Variants in IPP observed in about 807,000 individuals in gnomAD.
IPP encodes the protein actin-binding protein IPP.
IPP carries 41 observed loss-of-function variants against 64.1 expected under a neutral mutation model. The ratio of observed to expected loss-of-function variants is 0.64; its 90% CI spans 0.50 to 0.83. The LOEUF (loss-of-function observed/expected upper bound fraction) is 0.83, where lower values mean the gene tolerates loss of function less well. Ranked by LOEUF, IPP falls within the 40% of genes least tolerant of loss-of-function variation. IPP has a pLI of 0.00. For synonymous variants in IPP, 214 were observed against 235.2 expected (o/e 0.91, Z 0.83); for missense variants, 649 against 703.0 (o/e 0.92, Z 0.87).
chr1:45,719,131 T>A (rs1645698575), intron 6 of IPP, 72 bp downstream of exon 6: 1 of 1,428,176 alleles, frequency 7.0e-7, no homozygotes, highest in Non-Finnish European at 9.8e-7. Context: ...ATACCTATTA[T>A]GTATCCACAA....
chr1:45,715,124 G>A (rs1022140170), intron 7 of IPP, among the ~76,000 whole-genome samples: 6 of 149,178 alleles, frequency 4.0e-5, no homozygotes, highest in East Asian at 2.0e-4. Flanking sequence ...GAGCGTGGGA[G>A]GCAGAGGTTA....
intron 8 of IPP, among the ~76,000 whole-genome samples, chr1:45,700,964 A>T (rs965075749): frequency 1.3e-5 from 2 of 152,230 alleles, no homozygotes; most frequent in African/African-American, 4.8e-5. Flanking sequence ...TTATTTGACC[A>T]TGGAATCCTT....
downstream of IPP, among the ~76,000 whole-genome samples, chr1:45,697,676 C>G (rs552565529): frequency 2.0e-5 from 3 of 151,948 alleles, no homozygotes; most frequent in Non-Finnish European, 4.4e-5. Context: ...AATGGGAAAT[C>G]GGCAGAGTGC....
intron 5 of IPP, among the ~76,000 whole-genome samples, chr1:45,723,434 T>G (rs1044346565): frequency 1.3e-5 from 2 of 152,222 alleles, no homozygotes; most frequent in South Asian, 2.1e-4. Context: ...TTCTGTGGTA[T>G]CAGGGGATGG....
chr1:45,732,122 A>C (rs1645915310), intron 3 of IPP, among the ~76,000 whole-genome samples: 1 of 152,022 alleles, frequency 6.6e-6, no homozygotes, highest in African/African-American at 2.4e-5. Flanking sequence ...CACTTTGGGA[A>C]GCTATGGCGG....
intron 5 of IPP, among the ~76,000 whole-genome samples, chr1:45,725,552 G>A (rs1240024002): frequency 1.5e-5 from 2 of 137,768 alleles, no homozygotes; most frequent in East Asian, 2.4e-4. Context: ...GAAGTGAGGA[G>A]CCCCTCTGCC....
intron 7 of IPP, among the ~76,000 whole-genome samples, chr1:45,715,640 CAA>C (rs537648999): frequency 3.3e-5 from 4 of 122,762 alleles, no homozygotes; most frequent in Non-Finnish European, 5.2e-5. Context: ...GACTCCATCT[CAA>C]AAAAAAAAAA....
intron 5 of IPP, among the ~76,000 whole-genome samples, chr1:45,724,926 C>T (rs1255510289): frequency 1.1e-4 from 13 of 123,032 alleles, no homozygotes; most frequent in East Asian, 5.6e-4. Flanking sequence ...CCGCCCCGTC[C>T]GGGAGGTGAG....
At chr1:45,709,464 G>C (rs1441809215) in intron 8 of IPP, among the ~76,000 whole-genome samples, 1 of 138,144 alleles carries the variant, frequency 7.2e-6, no homozygotes, top group African/African-American at 2.7e-5. Context: ...AGCTCTTTGA[G>C]CTAAGAAAAC....
intron 4 of IPP, 50 bp downstream of exon 4, chr1:45,729,564 G>C: frequency 7.1e-7 from 1 of 1,412,410 alleles, no homozygotes; most frequent in Non-Finnish European, 9.9e-7. Context: ...AAAAAGGTTT[G>C]ATCTGGAACA....
At chr1:45,745,850 G>A (rs1007794896) in intron 2 of IPP, among the ~76,000 whole-genome samples, 1 of 152,072 alleles carries the variant, frequency 6.6e-6, no homozygotes, top group Non-Finnish European at 1.5e-5. Flanking sequence ...GGGCGACAGA[G>A]AGAGACTCCA....
At chr1:45,737,181 C>G (rs1645993496) in intron 3 of IPP, among the ~76,000 whole-genome samples, 1 of 152,092 alleles carries the variant, frequency 6.6e-6, no homozygotes, top group Non-Finnish European at 1.5e-5. Flanking sequence ...GTCATGAAAG[C>G]TTTTGTCCCA....
At chr1:45,731,710 T>C (rs28675671) in intron 3 of IPP, among the ~76,000 whole-genome samples, 151,363 of 152,168 alleles carry the variant, frequency 0.99, 75,296 homozygotes, top group Middle Eastern at 1. Context: ...CCGAGGGGGG[T>C]GAATCATGAG....
At position 45,721,859 on chromosome 1, in the gene IPP, AGACCAGCCT is replaced by A. The variant is rs368859433; in HGVS notation, c.1049-2528_1049-2520del. 5.9e-4 allele frequency among the ~76,000 whole-genome samples: 90 copies of A among 152,262 alleles called. 1 individual carries two copies. In the East Asian group the frequency reaches 0.017, roughly 29 times the overall value. The stretch of plus-strand genomic sequence containing the variant: ...GGCAGATCACGAGGTCAGGAGTTCT[AGACCAGCCT>A]GACCAGCCTGACCAACATGGTGAAA... On this transcript the variant is annotated intron_variant, in intron 5 of 8. Transcript: ENST00000396478.
intron 8 of IPP, among the ~76,000 whole-genome samples, chr1:45,712,922 G>A (rs1435573881): frequency 6.7e-6 from 1 of 149,968 alleles, no homozygotes; most frequent in African/African-American, 2.4e-5. Flanking sequence ...CTCCCAAAGT[G>A]CTGGGTTTAC....
chr1:45,728,156 G>C (rs937104360), intron 4 of IPP, among the ~76,000 whole-genome samples: 1 of 151,016 alleles, frequency 6.6e-6, no homozygotes, highest in Non-Finnish European at 1.5e-5. Flanking sequence ...GTGTGTGTGT[G>C]TGTGTGTGTG....
intron 8 of IPP, among the ~76,000 whole-genome samples, chr1:45,702,114 G>GGAGA (rs1433965951): frequency 6.6e-6 from 1 of 152,016 alleles, no homozygotes; most frequent in Non-Finnish European, 1.5e-5. Flanking sequence ...TTGTAATTAG[G>GGAGA]GAGAACCTTT....
At chr1:45,707,387 C>T (rs1422770212) in intron 8 of IPP, among the ~76,000 whole-genome samples, 1 of 137,640 alleles carries the variant, frequency 7.3e-6, no homozygotes, top group Non-Finnish European at 1.5e-5. Context: ...CGCGCCACTG[C>T]ACTCCAGCCT....
At chr1:45,736,571 A>G (rs1054826754) in intron 3 of IPP, among the ~76,000 whole-genome samples, 19 of 152,062 alleles carry the variant, frequency 1.2e-4, no homozygotes, top group African/African-American at 4.6e-4. Context: ...CAAAGTTGAA[A>G]AATATTATGG....
Sources: gnomAD v4.1 joint callset for allele counts (sites outside exome capture counted in the v4.1 genomes callset) on GRCh38, gnomAD v4.1.1 for gene constraint, MANE v1.5 for transcripts, NCBI Gene and HGNC (gene_info 2026-07-23, HGNC 2026-07-21) for gene names.